The following LINC00632 variants were observed in gnomAD, a reference collection of about 807,000 sequenced individuals.
LINC00632 encodes the protein ALDOA related specific transcript.
chrX:140,719,855 C>T (rs751677063), intron 2 of LINC00632, among the ~76,000 whole-genome samples: 166 of 108,648 alleles, frequency 1.5e-3, no homozygotes, highest in Middle Eastern at 4.8e-3. Flanking sequence ...TTTGGGAGGC[C>T]GAGGTAGGCG....
chrX:140,770,358 C>T (rs1931768844), intron 3 of LINC00632, among the ~76,000 whole-genome samples: 1 of 111,747 alleles, frequency 8.9e-6, no homozygotes, highest in African/African-American at 3.3e-5. Context: ...GTCCTCACTG[C>T]TCATTGTATG....
intron 2 of LINC00632, among the ~76,000 whole-genome samples, chrX:140,723,050 A>AAG (rs1556020629): frequency 9.1e-6 from 1 of 109,852 alleles, no homozygotes; most frequent in Non-Finnish European, 1.9e-5. Flanking sequence ...CAAAAAAAAA[A>AAG]AAAGAAAAGA....
intron 2 of LINC00632, among the ~76,000 whole-genome samples, chrX:140,722,029 C>T (rs1415463190): frequency 1.8e-5 from 2 of 111,115 alleles, no homozygotes; most frequent in Non-Finnish European, 3.8e-5. Flanking sequence ...GGCCCACAGC[C>T]AAGAGACTTC....
intron 3 of LINC00632, among the ~76,000 whole-genome samples, chrX:140,758,355 A>G (rs1236935268): frequency 9.8e-6 from 1 of 102,324 alleles, no homozygotes; most frequent in African/African-American, 3.6e-5. Flanking sequence ...AAAATGATGT[A>G]TGAAAGCTAC....
At chrX:140,739,168 T>G (rs1367399497) in intron 3 of LINC00632, among the ~76,000 whole-genome samples, 4 of 111,654 alleles carry the variant, frequency 3.6e-5, no homozygotes, top group Non-Finnish European at 5.6e-5. Context: ...ATAATTCCAG[T>G]GGTGGATAAT....
Position 140,784,203 on chromosome X carries a change from A to ACGTCTTCCAGCAAATCCC in LINC00632, n.12231_12232insGCAAATCCCCGTCTTCCA, listed in dbSNP as rs775697416. ...GAAATCCGTGTCTTCCAGCAAATCC[A>ACGTCTTCCAGCAAATCCC]CGTCTTCCAACAAAGCCATGTCTTC... On this transcript the variant is annotated non_coding_transcript_exon_variant, in exon 5 of 5. Transcript: ENST00000648200. The ACGTCTTCCAGCAAATCCC allele has an allele frequency of 9.9e-6, 12 of 1,210,049 alleles. 1 individual carries two copies. The South Asian group carries it at 1.8e-4, about 18-fold the overall frequency.
In LINC00632 at chrX:140,717,993, G is replaced by A. The variant is rs143134309; in HGVS notation, n.104+6337G>A. On this transcript the variant is annotated intron_variant and non_coding_transcript_variant, in intron 2 of 4. Coordinates refer to ENST00000648200, the Ensembl canonical transcript of LINC00632. Reference sequence around the variant, plus strand: ...CTTTACTAAAAATACAAAATTAGCCGGGTGTGGTGGCACACACCTGTAATC... The same window carrying A: ...CTTTACTAAAAATACAAAATTAGCCAGGTGTGGTGGCACACACCTGTAATC... 1.9e-3 allele frequency among the ~76,000 whole-genome samples: 211 copies of A among 109,936 alleles called. 1 individual carries two copies. Among genetic ancestry groups the A allele is most frequent in the African/African-American group, 6.1e-3 (183 of 30,168 alleles).
rs12013213 is a variant in LINC00632, at chrX:140,735,467, T to C, written n.191+1503T>C. Reference sequence around the variant, plus strand: ...GTTATATTTTCATTTGAGGCATTATTTAAAATTCATTATACACATAAAAGG... The same window carrying C: ...GTTATATTTTCATTTGAGGCATTATCTAAAATTCATTATACACATAAAAGG... On this transcript the variant is annotated intron_variant and non_coding_transcript_variant, in intron 3 of 4. Transcript: ENST00000648200. Among the ~76,000 whole-genome samples the C allele has an allele frequency of 3.4e-3, 384 of 112,155 alleles. 1 individual carries two copies. Among genetic ancestry groups the C allele is most frequent in the African/African-American group, 0.012 (359 of 30,905 alleles).
intron 3 of LINC00632, among the ~76,000 whole-genome samples, chrX:140,770,050 G>C (rs1931763634): frequency 9.0e-6 from 1 of 111,526 alleles, no homozygotes; most frequent in South Asian, 3.8e-4. Context: ...GGAAGGCTCT[G>C]AGAGTTTCCA....
At chrX:140,724,608 C>T (rs1930883376) in intron 2 of LINC00632, among the ~76,000 whole-genome samples, 1 of 47,245 alleles carries the variant, frequency 2.1e-5, no homozygotes, top group Non-Finnish European at 4.0e-5. Context: ...TCTGTACACA[C>T]ACACACAAAC....
intron 3 of LINC00632, among the ~76,000 whole-genome samples, chrX:140,763,086 G>C (rs1931627992): frequency 8.9e-6 from 1 of 111,733 alleles, no homozygotes; most frequent in African/African-American, 3.3e-5. Flanking sequence ...GTTTGTTAAA[G>C]ACTATAGACA....
chrX:140,771,676 TA>T (rs1931798505), intron 3 of LINC00632, among the ~76,000 whole-genome samples: 1 of 26,215 alleles, frequency 3.8e-5, no homozygotes. Flanking sequence ...TATATATATA[TA>T]TATATATATT....
chrX:140,778,729 T>C (rs771402868), exon 5 of LINC00632, among the ~76,000 whole-genome samples: 1 of 111,733 alleles, frequency 8.9e-6, no homozygotes, highest in South Asian at 3.7e-4. Flanking sequence ...AAAGGTTAAA[T>C]TGAATTGCAT....
At chrX:140,760,644 G>A (rs1436460766) in intron 3 of LINC00632, among the ~76,000 whole-genome samples, 4 of 111,413 alleles carry the variant, frequency 3.6e-5, no homozygotes, top group Non-Finnish European at 7.5e-5. Context: ...GGTGGCATGC[G>A]CCTGTAATCC....
At chrX:140,741,274 T>C (rs1424688938) in intron 3 of LINC00632, among the ~76,000 whole-genome samples, 1 of 111,949 alleles carries the variant, frequency 8.9e-6, no homozygotes, top group African/African-American at 3.2e-5. Context: ...AGCCAGGGGC[T>C]CTAGGGATCT....
chrX:140,770,724 G>A (rs940187576), intron 3 of LINC00632, among the ~76,000 whole-genome samples: 1 of 111,434 alleles, frequency 9.0e-6, no homozygotes, highest in Non-Finnish European at 1.9e-5. Flanking sequence ...CTCATGCTCC[G>A]ATTCCCTCAG....
intron 3 of LINC00632, among the ~76,000 whole-genome samples, chrX:140,762,549 T>G (rs1044561133): frequency 8.9e-6 from 1 of 112,428 alleles, no homozygotes; most frequent in Non-Finnish European, 1.9e-5. Flanking sequence ...GACTTAACGA[T>G]TATTTGTAAC....
intron 3 of LINC00632, among the ~76,000 whole-genome samples, chrX:140,753,996 G>A (rs973325191): frequency 9.0e-6 from 1 of 110,945 alleles, no homozygotes; most frequent in Admixed American, 9.6e-5. Flanking sequence ...AGATGGTCTC[G>A]ATCTCTTGAT....
chrX:140,782,486 A>G (rs1319465269), exon 5 of LINC00632: 1 of 111,665 alleles, frequency 9.0e-6, no homozygotes, highest in Non-Finnish European at 1.9e-5. Flanking sequence ...ACCCATCTTC[A>G]AAGTCCAGGT....
Sources: allele counts gnomAD v4.1 joint callset (sites outside exome capture counted in the v4.1 genomes callset), GRCh38; gene constraint gnomAD v4.1.1; transcripts MANE v1.5; gene names NCBI Gene and HGNC (gene_info 2026-07-23, HGNC 2026-07-21).